Variants in AKR1C1 observed in about 807,000 individuals in gnomAD.
The protein encoded by AKR1C1 is 20 alpha-hydroxysteroid dehydrogenase.
In AKR1C1, 32 loss-of-function variants were observed where a neutral mutation model predicts 40.6. The ratio of observed to expected loss-of-function variants is 0.79; its 90% CI spans 0.60 to 1.06. The LOEUF is 1.06. AKR1C1 is among the 50% of genes least tolerant of loss of function. The pLI, the probability that AKR1C1 is intolerant of heterozygous loss-of-function variation, is 0.00. For missense variants in AKR1C1, 320 were observed against 363.5 expected (o/e 0.88, Z 0.97); for synonymous variants, 105 against 134.2 (o/e 0.78, Z 1.50).
chr10:4,973,342 A>G (rs1303159764), intron 7 of AKR1C1, among the ~76,000 whole-genome samples: 1 of 152,142 alleles, frequency 6.6e-6, no homozygotes, highest in Non-Finnish European at 1.5e-5. Flanking sequence ...GCCTAAACTC[A>G]GTCCATTCCT....
chr10:4,972,124 C>T, intron 5 of AKR1C1, 77 bp from the exon 6 acceptor site: 6 of 1,587,572 alleles, frequency 3.8e-6, no homozygotes, highest in Middle Eastern at 1.7e-4. Flanking sequence ...CATTATTCAG[C>T]TTCTTTTACT....
rs781847379 is a variant in AKR1C1, at chr10:4,972,236, G to T, written c.606G>T (p.Leu202=). Residue 202 remains leucine, a synonymous_variant, in exon 6 of 9, where the codon CTG becomes CTT. Coordinates refer to ENST00000380872, the MANE Select transcript of AKR1C1 (RefSeq NM_001353.6). ...ATCCTTACTTCAACCAGAGAAAACT[G>T]CTGGATTTCTGCAAGTCAAAAGACA... is the stretch of plus-strand genomic sequence containing the variant. ...ECHPYFNQRK[L]LDFCKSKDIV... is the part of the protein sequence containing the mutation. 17 of 1,613,730 alleles carry T rather than the reference G, an allele frequency of 1.1e-5. No individual in the cohort carries two copies. In the African/African-American group the frequency reaches 1.9e-4, roughly 18 times the overall value.
rs1300225773 is a variant in AKR1C1, at chr10:4,978,673, A to C, written c.*931A>C. ...AGTCTTTTAAATATTTTATACATTA[A>C]ACAGGCATAGTTACAAATATAAAAC... On this transcript the variant is annotated 3_prime_UTR_variant, in exon 9 of 9. Coordinates refer to ENST00000380872, the MANE Select transcript of AKR1C1 (RefSeq NM_001353.6). The C allele has an allele frequency of 6.6e-6, 1 of 152,234 alleles. No homozygotes were observed. The highest frequency in any genetic ancestry group is 2.4e-5 in the African/African-American group (1 of 41,462). 9.4% of individuals were successfully genotyped at this position (152,234 alleles called of 1,614,324 possible). A position where few individuals can be genotyped will look rare whatever the true frequency, so the allele number is the denominator to read the frequency against.
At position 4,972,224 on chromosome 10, in the gene AKR1C1, C is replaced by G. The variant is rs1348302431; in HGVS notation, c.594C>G (p.Asn198Lys). The G allele has an allele frequency of 5.6e-6, 9 of 1,613,706 alleles. No homozygotes were observed. The highest frequency in any genetic ancestry group is 1.3e-5 in the African/African-American group (1 of 74,742). ...AGGTGGAATGTCATCCTTACTTCAACCAGAGAAAACTGCTGGATTTCTGCA... is the reference window on the plus strand; with the variant it reads ...AGGTGGAATGTCATCCTTACTTCAAGCAGAGAAAACTGCTGGATTTCTGCA... ...CNQVECHPYF[N>K]QRKLLDFCKS... is the part of the protein sequence containing the mutation. Residue 198 changes from asparagine (N) to lysine (K), a missense_variant, in exon 6 of 9, where the codon AAC becomes AAG. Transcript: ENST00000380872.
chr10:4,977,984 T>C lies in AKR1C1; in HGVS notation c.*242T>C, dbSNP rs1588566133. ...TTCACCTACTTTGGTCTCCATAACT[T>C]CTATGTTTTCTTTCCTTCTGACACA... On this transcript the variant is annotated 3_prime_UTR_variant, in exon 9 of 9. Coordinates refer to ENST00000380872, the MANE Select transcript of AKR1C1 (RefSeq NM_001353.6). 2 of 550,612 alleles carry C rather than the reference T, an allele frequency of 3.6e-6. No homozygotes were observed. Among genetic ancestry groups the C allele is most frequent in the East Asian group, 7.0e-5 (2 of 28,658 alleles). The allele number at this position is 550,612 out of a possible 1,614,324, so 34.1% of individuals were successfully genotyped here.
At chr10:4,970,068 G>A (rs895293954) in intron 5 of AKR1C1, 5 of 307,224 alleles carry the variant, frequency 1.6e-5, no homozygotes, top group African/African-American at 8.8e-5. Context: ...CTAACATTTT[G>A]CAATGTTATA....
In AKR1C1 at chr10:4,981,493, A is replaced by G. The variant is rs1836614308; in HGVS notation, c.*3751A>G. 6.6e-6 allele frequency: 1 copy of G among 152,234 alleles called. No individual in the cohort carries two copies. The highest frequency in any genetic ancestry group is 6.5e-5 in the Admixed American group (1 of 15,290). 9.4% of individuals were successfully genotyped at this position (152,234 alleles called of 1,614,324 possible). On this transcript the variant is annotated 3_prime_UTR_variant, in exon 9 of 9. Coordinates refer to ENST00000380872, the MANE Select transcript of AKR1C1 (RefSeq NM_001353.6). ...CAGATGGCAGATGGGAGGCAGTGTGAGCATGCCTCTCCCACTTGGAGATTA... is the reference window on the plus strand; with the variant it reads ...CAGATGGCAGATGGGAGGCAGTGTGGGCATGCCTCTCCCACTTGGAGATTA...
At position 4,972,573 on chromosome 10, in the gene AKR1C1, T is replaced by C. The variant is rs200301716; in HGVS notation, c.681-11T>C. ...GCCTCAGGGCCTCAGCCTTTCTGCC[T>C]TTCCTTCCAGGGTGGACCCGAACTC... On this transcript the variant is annotated splice_polypyrimidine_tract_variant and intron_variant, in intron 6 of 8. Transcript: ENST00000380872. The C allele has an allele frequency of 1.4e-3, 2,220 of 1,613,532 alleles. 6 individuals are homozygous for C. Among genetic ancestry groups the C allele is most frequent in the Non-Finnish European group, 1.6e-3 (1,889 of 1,179,742 alleles).
At chr10:4,972,901 A>G in intron 7 of AKR1C1, 152 bp downstream of exon 7, 1 of 1,442,338 alleles carries the variant, frequency 6.9e-7, no homozygotes. Flanking sequence ...GGTTTCTTCT[A>G]CTCTAGCACA....
chr10:4,977,820 A>G lies in AKR1C1; in HGVS notation c.*78A>G, dbSNP rs563481536. ...CACAGAGGATGGCTCTATGCTGGTG[A>G]CTGGACACATCGCCTCTGGTTAAAT... On this transcript the variant is annotated 3_prime_UTR_variant, in exon 9 of 9. Transcript: ENST00000380872. 1 of 1,469,568 alleles carries G rather than the reference A, an allele frequency of 6.8e-7. No individual in the cohort carries two copies. The highest frequency in any genetic ancestry group is 1.4e-5 in the African/African-American group (1 of 70,508). 91.0% of individuals were successfully genotyped at this position (1,469,568 alleles called of 1,614,324 possible).
At chr10:4,977,475 T>C (rs1453703771) in intron 8 of AKR1C1, among the ~76,000 whole-genome samples, 22 of 152,366 alleles carry the variant, frequency 1.4e-4, no homozygotes, top group African/African-American at 5.1e-4. Context: ...GTGTGTTTTA[T>C]GTGTTAAGTT....
In AKR1C1 at chr10:4,972,477, G is replaced by A. The variant is rs1836446238; in HGVS notation, c.681-107G>A. Reference sequence around the variant, plus strand: ...GTTGAGGCTGCTGTTCGGGGGCCTCGCTTGAGAAGCTCCGGTGCAGAGTGG... The same window carrying A: ...GTTGAGGCTGCTGTTCGGGGGCCTCACTTGAGAAGCTCCGGTGCAGAGTGG... On this transcript the variant is annotated intron_variant, in intron 6 of 8. Coordinates refer to ENST00000380872, the MANE Select transcript of AKR1C1 (RefSeq NM_001353.6). The A allele has an allele frequency of 3.4e-5, 53 of 1,568,864 alleles. No individual in the cohort carries two copies. The Middle Eastern group carries it at 7.2e-4, about 21-fold the overall frequency.
Position 4,979,488 on chromosome 10 carries a change from A to C in AKR1C1, c.*1746A>C, listed in dbSNP as rs1273959342. The C allele has an allele frequency of 6.6e-6, 1 of 152,170 alleles. No individual in the cohort carries two copies. Among genetic ancestry groups the C allele is most frequent in the African/African-American group, 2.4e-5 (1 of 41,398 alleles). The allele number at this position is 152,170 out of a possible 1,614,324, so 9.4% of individuals were successfully genotyped here. ...TAACTTTCTGAGTCTATGGAATGAT[A>C]ATTTCACATCTCATAAACTTGACTG... On this transcript the variant is annotated 3_prime_UTR_variant, in exon 9 of 9. Transcript: ENST00000380872.
chr10:4,972,554 G>C (rs782129638), intron 6 of AKR1C1, 30 bp from the exon 7 acceptor site: 3 of 1,611,346 alleles, frequency 1.9e-6, no homozygotes, highest in East Asian at 2.2e-5. Context: ...CCCAGCCTCA[G>C]GGCCTCAGCC....
At chr10:4,969,709 A>G (rs758535156) in intron 5 of AKR1C1, 10 of 1,612,100 alleles carry the variant, frequency 6.2e-6, no homozygotes, top group Non-Finnish European at 7.6e-6. Context: ...TTGAGTCCTG[A>G]CTGGTGATTC....
In AKR1C1 at chr10:4,977,799, G is replaced by A; in HGVS notation, c.*57G>A. On this transcript the variant is annotated 3_prime_UTR_variant, in exon 9 of 9. Coordinates refer to ENST00000380872, the MANE Select transcript of AKR1C1 (RefSeq NM_001353.6). ...GGCCCTGCGTGTGGATGGTGACACA[G>A]AGGATGGCTCTATGCTGGTGACTGG... is the stretch of plus-strand genomic sequence containing the variant. The A allele has an allele frequency of 6.8e-7, 1 of 1,476,214 alleles. No individual in the cohort carries two copies. Among genetic ancestry groups the A allele is most frequent in the Non-Finnish European group, 9.4e-7 (1 of 1,060,532 alleles). The allele number at this position is 1,476,214 out of a possible 1,614,324, so 91.4% of individuals were successfully genotyped here.
chr10:4,971,190 G>C (rs1384085010), intron 5 of AKR1C1, among the ~76,000 whole-genome samples: 1 of 151,784 alleles, frequency 6.6e-6, no homozygotes, highest in Non-Finnish European at 1.5e-5. Flanking sequence ...TTTCCTTGGG[G>C]TTTTTACATA....
chr10:4,978,897 C>T lies in AKR1C1; in HGVS notation c.*1155C>T, dbSNP rs1235564557. The T allele has an allele frequency of 6.6e-6, 1 of 152,124 alleles. No individual in the cohort carries two copies. Among genetic ancestry groups the T allele is most frequent in the Non-Finnish European group, 1.5e-5 (1 of 68,032 alleles). The allele number at this position is 152,124 out of a possible 1,614,324, so 9.4% of individuals were successfully genotyped here. ...ATTCTTATACATAATTTTCAGGGGA[C>T]CTAAGTTAATCAGCTAATCATGAAG... On this transcript the variant is annotated 3_prime_UTR_variant, in exon 9 of 9. Coordinates refer to ENST00000380872, the MANE Select transcript of AKR1C1 (RefSeq NM_001353.6).
Position 4,966,075 on chromosome 10 carries a change from T to A in AKR1C1, c.246T>A (p.Thr82=), listed in dbSNP as rs1836329054. The change falls in exon 2 of 9, where the codon ACT becomes ACA. Residue 82 remains threonine (T), a synonymous_variant. Coordinates refer to ENST00000380872, the MANE Select transcript of AKR1C1 (RefSeq NM_001353.6). ...GSVKREDIFY[T]SKLWCNSHRP... ...TGAAGAGAGAAGACATATTCTACACTTCAAAGGTACTGTGCCTATGATGAG... is the reference window on the plus strand; with the variant it reads ...TGAAGAGAGAAGACATATTCTACACATCAAAGGTACTGTGCCTATGATGAG... 1 of 1,612,868 alleles carries A rather than the reference T, an allele frequency of 6.2e-7. No individual in the cohort carries two copies. The highest frequency in any genetic ancestry group is 1.7e-5 in the Admixed American group (1 of 59,816).
Sources: gnomAD v4.1 joint callset for allele counts (sites outside exome capture counted in the v4.1 genomes callset) on GRCh38, gnomAD v4.1.1 for gene constraint, MANE v1.5 for transcripts, NCBI Gene and HGNC (gene_info 2026-07-23, HGNC 2026-07-21) for gene names.